RGS6: variants seen among roughly 807,000 people sequenced by gnomAD.
RGS6 encodes regulator of G protein signaling 6.
A neutral mutation model predicts 78.5 loss-of-function variants in RGS6; 30 were observed. That is an observed-to-expected ratio of 0.38 (90% CI 0.29 to 0.52). The LOEUF is 0.52. Among genes scored for constraint, RGS6 ranks in the 20% least tolerant of loss-of-function variants. RGS6 has a pLI of 0.85. For missense variants in RGS6, 495 were observed against 609.7 expected, an observed-to-expected ratio of 0.81 and a Z score of 1.98; for synonymous variants, 206 against 206.0, an observed-to-expected ratio of 1.00 and a Z score of 0.00.
intron 2 of RGS6, among the ~76,000 whole-genome samples, chr14:72,140,802 G>A (rs549309744): frequency 6.6e-6 from 1 of 152,318 alleles, no homozygotes; most frequent in South Asian, 2.1e-4. Context: ...TGAGCAAGCT[G>A]CATCTTGAAT....
chr14:72,056,211 G>C (rs993676520), intron 2 of RGS6, among the ~76,000 whole-genome samples: 6 of 152,204 alleles, frequency 3.9e-5, no homozygotes, highest in Admixed American at 2.0e-4. Context: ...GCCCAGAGAA[G>C]TTAAGAAGCC....
chr14:72,416,650 G>C (rs1453391648), intron 3 of RGS6, among the ~76,000 whole-genome samples: 1 of 152,180 alleles, frequency 6.6e-6, no homozygotes, highest in East Asian at 1.9e-4. Context: ...TTAGGCTGTA[G>C]TGCTAATATA....
In RGS6 at chr14:72,414,515, C is replaced by G. The variant is rs575070124; in HGVS notation, c.185-40013C>G. On this transcript the variant is annotated intron_variant, in intron 3 of 17. Coordinates refer to ENST00000553525, the MANE Select transcript of RGS6 (RefSeq NM_001204424.2). ...CTTCTTTGCCATTGGTTCGAACTTCCTCCTTTAGCTGGTAGTTTGATCTTC... is the reference window on the plus strand; with the variant it reads ...CTTCTTTGCCATTGGTTCGAACTTCGTCCTTTAGCTGGTAGTTTGATCTTC... Among the ~76,000 whole-genome samples, 47 of 152,252 alleles carry G rather than the reference C, an allele frequency of 3.1e-4. 2 individuals are homozygous for G. In the South Asian group the frequency reaches 9.8e-3, roughly 32 times the overall value.
intron 2 of RGS6, among the ~76,000 whole-genome samples, chr14:72,196,502 G>GC (rs1325847498): frequency 6.6e-6 from 1 of 152,100 alleles, no homozygotes; most frequent in Non-Finnish European, 1.5e-5. Context: ...CACGTGACAT[G>GC]CCCCCTGTTC....
chr14:72,454,716 T>A (rs2095585580), intron 4 of RGS6, 138 bp downstream of exon 4: 1 of 628,660 alleles, frequency 1.6e-6, no homozygotes, highest in African/African-American at 1.9e-5. Flanking sequence ...TCACTCTATT[T>A]ACAAATAAAA....
the RGS6 span, among the ~76,000 whole-genome samples, chr14:72,624,905 T>C: frequency 6.6e-6 from 1 of 152,242 alleles, no homozygotes; most frequent in Non-Finnish European, 1.5e-5. Context: ...TGGCGCATCA[T>C]ATCGGGGGAA....
intron 17 of RGS6, chr14:72,550,321 G>A: frequency 4.2e-6 from 3 of 717,440 alleles, no homozygotes; most frequent in East Asian, 2.7e-5. Context: ...TATAAGAGGT[G>A]GGGGAGAGGG....
intron 1 of RGS6, among the ~76,000 whole-genome samples, chr14:71,944,188 C>T (rs1320644744): frequency 6.6e-6 from 1 of 152,156 alleles, no homozygotes; most frequent in African/African-American, 2.4e-5. Context: ...ACTTGCTCAG[C>T]CTACAAAACT....
intron 16 of RGS6, chr14:72,537,455 G>A: frequency 1.4e-6 from 1 of 702,248 alleles, no homozygotes; most frequent in South Asian, 1.5e-5. Context: ...AGAAAGGAAA[G>A]AGGACTTCTG....
chr14:72,310,655 C>T (rs1567722017), intron 2 of RGS6, among the ~76,000 whole-genome samples: 1 of 152,318 alleles, frequency 6.6e-6, no homozygotes, highest in African/African-American at 2.4e-5. Flanking sequence ...AGAGGCTCTG[C>T]TTGTGGATTC....
downstream of RGS6, among the ~76,000 whole-genome samples, chr14:72,569,867 A>G (rs1401633137): frequency 6.6e-6 from 1 of 152,160 alleles, no homozygotes; most frequent in African/African-American, 2.4e-5. Context: ...AAGAGCAGAG[A>G]GAGTTGGAGG....
chr14:72,448,220 G>C lies in RGS6; in HGVS notation c.185-6308G>C, dbSNP rs112369916. 6.8e-4 allele frequency among the ~76,000 whole-genome samples: 103 copies of C among 152,336 alleles called. 1 individual carries two copies. Among genetic ancestry groups the C allele is most frequent in the African/African-American group, 2.2e-3 (92 of 41,590 alleles). ...GTGATGTACCATGAGTTGCTCTCAA[G>C]TGTGTCTGACTTTATAAATGCTGCA... is the stretch of plus-strand genomic sequence containing the variant. On this transcript the variant is annotated intron_variant, in intron 3 of 17. Transcript: ENST00000553525.
intron 10 of RGS6, 113 bp from the exon 11 acceptor site, chr14:72,476,629 C>T (rs12147925): frequency 1.4e-6 from 1 of 706,358 alleles, no homozygotes; most frequent in Non-Finnish European, 2.4e-6. Context: ...AGACCAATCT[C>T]TTATTGTCAT....
chr14:72,260,422 A>T (rs2057935082), intron 2 of RGS6, among the ~76,000 whole-genome samples: 1 of 152,246 alleles, frequency 6.6e-6, no homozygotes, highest in Admixed American at 6.5e-5. Context: ...AGACATGGAT[A>T]TAGAGTGTTT....
At chr14:71,938,313 T>C (rs965220417) in intron 1 of RGS6, among the ~76,000 whole-genome samples, 6 of 152,254 alleles carry the variant, frequency 3.9e-5, no homozygotes, top group African/African-American at 1.4e-4. Flanking sequence ...AGCCCATGAA[T>C]TGATATATAA....
intron 6 of RGS6, chr14:72,464,633 C>A (rs1001514912): frequency 6.6e-6 from 1 of 152,130 alleles, no homozygotes; most frequent in African/African-American, 2.4e-5. Context: ...TTCTGTTGTT[C>A]ATTTATTTAT....
chr14:72,489,218 C>T (rs1021206669), intron 12 of RGS6, among the ~76,000 whole-genome samples: 1 of 149,216 alleles, frequency 6.7e-6, no homozygotes, highest in Admixed American at 6.9e-5. Context: ...TGAAATGCCT[C>T]ATAATTGGGA....
chr14:72,223,513 T>C (rs1297849339), intron 2 of RGS6, among the ~76,000 whole-genome samples: 1 of 152,250 alleles, frequency 6.6e-6, no homozygotes, highest in African/African-American at 2.4e-5. Flanking sequence ...AATTTGTTTA[T>C]GCTTAGAACA....
intron 3 of RGS6, among the ~76,000 whole-genome samples, chr14:72,422,212 C>T (rs1253340626): frequency 2.0e-5 from 3 of 152,214 alleles, no homozygotes; most frequent in Non-Finnish European, 4.4e-5. Context: ...CATTAAACCT[C>T]TTTCTTTTGT....
Sources: allele counts gnomAD v4.1 joint callset (sites outside exome capture counted in the v4.1 genomes callset), GRCh38; gene constraint gnomAD v4.1.1; transcripts MANE v1.5; gene names NCBI Gene and HGNC (gene_info 2026-07-23, HGNC 2026-07-21).